The following B3GAT2 variants were observed in gnomAD, a reference collection of about 807,000 sequenced individuals.
B3GAT2 encodes galactosylgalactosylxylosylprotein 3-beta-glucuronosyltransferase 2.
Under a neutral mutation model 27.8 loss-of-function variants are expected in B3GAT2, and 26 were observed. The observed-to-expected ratio is 0.93, with a 90% CI of 0.68 to 1.30. The LOEUF is 1.30. B3GAT2 is among the 50% of genes most tolerant of loss of function. B3GAT2 has a pLI of 0.00. For missense variants in B3GAT2, 458 were observed against 459.0 expected (o/e 1.00, Z 0.02); for synonymous variants, 218 against 195.1 (o/e 1.12, Z -0.98).
chr6:70,945,881 A>G (rs1001927161), intron 1 of B3GAT2, among the ~76,000 whole-genome samples: 1 of 151,948 alleles, frequency 6.6e-6, no homozygotes, highest in Non-Finnish European at 1.5e-5. Context: ...CTCTCGGCAG[A>G]AACTCTACAA....
intron 1 of B3GAT2, among the ~76,000 whole-genome samples, chr6:70,925,313 C>G (rs2150043424): frequency 6.6e-6 from 1 of 152,356 alleles, no homozygotes; most frequent in South Asian, 2.1e-4. Flanking sequence ...ACAGTGGGTG[C>G]AGGCCATGGA....
chr6:70,926,210 A>G lies in B3GAT2; in HGVS notation c.591+29629T>C, dbSNP rs117050414. Among the ~76,000 whole-genome samples the G allele has an allele frequency of 6.0e-4, 92 of 152,338 alleles. No homozygotes were observed. In the East Asian group the frequency reaches 0.017, roughly 28 times the overall value. Reference sequence around the variant, plus strand: ...AAGACCAAAGTTTGATAAAACCACAAAGATGCGGAGAAAACAGAGTAGAAA... The same window carrying G: ...AAGACCAAAGTTTGATAAAACCACAGAGATGCGGAGAAAACAGAGTAGAAA... On this transcript the variant is annotated intron_variant, in intron 1 of 3. Coordinates refer to ENST00000230053, the MANE Select transcript of B3GAT2 (RefSeq NM_080742.3).
intron 1 of B3GAT2, among the ~76,000 whole-genome samples, chr6:70,917,544 A>T (rs1772794206): frequency 6.6e-6 from 1 of 152,046 alleles, no homozygotes; most frequent in African/African-American, 2.4e-5. Context: ...AGTGCTGTAA[A>T]TTTCTCTCTA....
intron 1 of B3GAT2, among the ~76,000 whole-genome samples, chr6:70,898,963 AAAATAAAT>A (rs138877861): frequency 4.1e-4 from 62 of 149,630 alleles, no homozygotes; most frequent in African/African-American, 7.7e-4. Context: ...ACCCTGGCTC[AAAATAAAT>A]AAATAAATAA....
rs571683729 is a variant in B3GAT2 at position 70,950,582 on chromosome 6, T to C, written c.591+5257A>G. On this transcript the variant is annotated intron_variant, in intron 1 of 3. Transcript: ENST00000230053. Reference sequence around the variant, plus strand: ...AATTCTATCTCTGCCACATAACAGCTACATGACATTTTCAAGTTACTTCCT... The same window carrying C: ...AATTCTATCTCTGCCACATAACAGCCACATGACATTTTCAAGTTACTTCCT... Among the ~76,000 whole-genome samples the C allele has an allele frequency of 8.5e-5, 13 of 152,286 alleles. No homozygotes were observed. The South Asian group carries it at 1.0e-3, about 12-fold the overall frequency.
intron 1 of B3GAT2, among the ~76,000 whole-genome samples, chr6:70,948,411 A>G (rs1469754871): frequency 1.3e-5 from 2 of 149,040 alleles, no homozygotes; most frequent in East Asian, 3.9e-4. Context: ...ATGTACAAAA[A>G]TCACAAGCAT....
At chr6:70,939,589 C>G (rs929163088) in intron 1 of B3GAT2, among the ~76,000 whole-genome samples, 6 of 151,720 alleles carry the variant, frequency 4.0e-5, no homozygotes, top group African/African-American at 1.5e-4. Context: ...GAGTTCATGT[C>G]CTTTGCAGGG....
intron 2 of B3GAT2, among the ~76,000 whole-genome samples, chr6:70,870,157 A>T (rs1334763029): frequency 2.6e-5 from 4 of 151,998 alleles, no homozygotes; most frequent in Non-Finnish European, 5.9e-5. Flanking sequence ...TCCAACAACG[A>T]TAGACTGGAT....
At chr6:70,896,255 GT>G (rs2150032580) in intron 1 of B3GAT2, among the ~76,000 whole-genome samples, 1 of 152,238 alleles carries the variant, frequency 6.6e-6, no homozygotes, top group African/African-American at 2.4e-5. Flanking sequence ...CCTGCCTGAT[GT>G]CATTTCCCCT....
At chr6:70,955,207 G>T (rs1452894105) in intron 1 of B3GAT2, among the ~76,000 whole-genome samples, 1 of 151,122 alleles carries the variant, frequency 6.6e-6, no homozygotes, top group Non-Finnish European at 1.5e-5. Flanking sequence ...TTGAGGGTCA[G>T]AAAAGACTTT....
At chr6:70,900,100 A>G (rs1455158986) in intron 1 of B3GAT2, among the ~76,000 whole-genome samples, 3 of 152,196 alleles carry the variant, frequency 2.0e-5, no homozygotes, top group Admixed American at 6.5e-5. Context: ...CTCTCTTCCC[A>G]TTTATTCAAT....
chr6:70,952,260 AC>A (rs1765589726), intron 1 of B3GAT2, among the ~76,000 whole-genome samples: 2 of 152,112 alleles, frequency 1.3e-5, no homozygotes, highest in East Asian at 1.9e-4. Flanking sequence ...TCCTTTGATA[AC>A]CCCTTAAGTG....
At chr6:70,895,833 CTTTTTT>C (rs11412558) in intron 1 of B3GAT2, among the ~76,000 whole-genome samples, 14 of 147,412 alleles carry the variant, frequency 9.5e-5, no homozygotes, top group Admixed American at 6.8e-5. Flanking sequence ...ACTTTTACAA[CTTTTTT>C]TTTTTTTAAC....
intron 1 of B3GAT2, among the ~76,000 whole-genome samples, chr6:70,942,787 G>C (rs536308361): frequency 6.6e-6 from 1 of 152,268 alleles, no homozygotes; most frequent in African/African-American, 2.4e-5. Context: ...AACATCTTCT[G>C]AATAGGATGA....
chr6:70,874,522 G>C (rs186837480), intron 2 of B3GAT2, among the ~76,000 whole-genome samples: 1 of 152,284 alleles, frequency 6.6e-6, no homozygotes, highest in Non-Finnish European at 1.5e-5. Flanking sequence ...GGATTTTCTT[G>C]AACAAGCACA....
intron 2 of B3GAT2, among the ~76,000 whole-genome samples, chr6:70,870,024 AG>A (rs956843568): frequency 1.3e-5 from 2 of 152,162 alleles, no homozygotes; most frequent in Non-Finnish European, 2.9e-5. Flanking sequence ...CATTTGACCC[AG>A]CCATCCCATT....
rs1562206106 is a variant in B3GAT2 at position 70,857,062 on chromosome 6, A to T, written c.*4601T>A. ...AATTTTGATATCTGCTTTCAGTGAC[A>T]TTACTAGAAGTACATCCTTTGTAAT... On this transcript the variant is annotated 3_prime_UTR_variant, in exon 4 of 4. Transcript: ENST00000230053. The T allele has an allele frequency of 2.6e-6, 4 of 1,567,722 alleles. No individual in the cohort carries two copies. The highest frequency in any genetic ancestry group is 3.5e-6 in the Non-Finnish European group (4 of 1,154,220).
Position 70,858,281 on chromosome 6 carries a change from C to G in B3GAT2, c.*3382G>C. 3.6e-6 allele frequency: 1 copy of G among 277,960 alleles called. No homozygotes were observed. 17.2% of individuals were successfully genotyped at this position (277,960 alleles called of 1,614,324 possible). On this transcript the variant is annotated 3_prime_UTR_variant, in exon 4 of 4. Transcript: ENST00000230053. ...TCCCAAATCAAACCAGATTTATTTT[C>G]TAAATCTTTTTTTTTTTTTTTTTTT...
rs111472599 is a variant in B3GAT2, at chr6:70,954,915, CG to C, written c.591+923del. On this transcript the variant is annotated intron_variant, in intron 1 of 3. Transcript: ENST00000230053. ...CTAACCCTGTGCCTGCCGGGGGCGG[CG>C]GGGGGGGGCGGTGCGCGCGTGGCCA... Among the ~76,000 whole-genome samples, 104 of 114,970 alleles carry C rather than the reference CG, an allele frequency of 9.0e-4. 5 individuals carry two copies. The highest frequency in any genetic ancestry group is 2.8e-3 in the African/African-American group (94 of 33,628). The allele number at this position is 114,970 out of a possible 152,430, so 75.4% of individuals were successfully genotyped here.
Sources: allele counts gnomAD v4.1 joint callset (sites outside exome capture counted in the v4.1 genomes callset), GRCh38; gene constraint gnomAD v4.1.1; transcripts MANE v1.5; gene names NCBI Gene and HGNC (gene_info 2026-07-23, HGNC 2026-07-21).